The following CNTNAP2 variants were observed in gnomAD, a reference collection of about 807,000 sequenced individuals.
CNTNAP2 encodes the protein contactin-associated protein-like 2.
CNTNAP2 carries 98 observed loss-of-function variants against 155.2 expected under a neutral mutation model. The observed-to-expected ratio is 0.63, with a 90% CI of 0.54 to 0.75. The LOEUF (loss-of-function observed/expected upper bound fraction) is 0.75, where lower values mean the gene tolerates loss of function less well. CNTNAP2 is among the 30% of genes least tolerant of loss of function. The pLI is 0.00. For synonymous variants in CNTNAP2, 651 were observed against 631.2 expected (o/e 1.03, Z -0.47); for missense variants, 1,727 against 1,688.1 (o/e 1.02, Z -0.40).
chr7:148,179,586 G>A (rs1021768165), intron 18 of CNTNAP2, among the ~76,000 whole-genome samples: 1 of 147,862 alleles, frequency 6.8e-6, no homozygotes, highest in Admixed American at 6.8e-5. Flanking sequence ...GGGGTGCGGG[G>A]GAGAGAGAGG....
intron 1 of CNTNAP2, among the ~76,000 whole-genome samples, chr7:146,738,396 T>C (rs1801655763): frequency 6.6e-6 from 1 of 152,056 alleles, no homozygotes; most frequent in African/African-American, 2.4e-5. Context: ...GAGTACCTTA[T>C]GTATTTTGAA....
intron 1 of CNTNAP2, among the ~76,000 whole-genome samples, chr7:146,227,766 T>C (rs1404189272): frequency 6.6e-6 from 1 of 152,086 alleles, no homozygotes; most frequent in African/African-American, 2.4e-5. Context: ...GCATCCATGA[T>C]AATTTACATT....
intron 20 of CNTNAP2, among the ~76,000 whole-genome samples, chr7:148,239,385 T>C (rs1185284740): frequency 6.6e-6 from 1 of 152,234 alleles, no homozygotes; most frequent in African/African-American, 2.4e-5. Context: ...TCTATTGAAC[T>C]GATATAGAAG....
intron 3 of CNTNAP2, among the ~76,000 whole-genome samples, chr7:146,852,655 T>C (rs1384042722): frequency 6.6e-6 from 1 of 152,198 alleles, no homozygotes; most frequent in African/African-American, 2.4e-5. Context: ...CAATGATGGA[T>C]AATTTTTCTA....
chr7:146,487,450 C>T (rs1797073532), intron 1 of CNTNAP2, among the ~76,000 whole-genome samples: 1 of 152,266 alleles, frequency 6.6e-6, no homozygotes, highest in Middle Eastern at 3.4e-3. Flanking sequence ...GCAATGTCCT[C>T]CTAAGGAAGC....
At chr7:148,044,104 C>A (rs1432583272) in intron 15 of CNTNAP2, among the ~76,000 whole-genome samples, 1 of 151,368 alleles carries the variant, frequency 6.6e-6, no homozygotes, top group Non-Finnish European at 1.5e-5. Context: ...GGAGATAACA[C>A]GGTAAAAATG....
At chr7:147,494,062 G>A (rs916353351) in intron 11 of CNTNAP2, among the ~76,000 whole-genome samples, 1 of 151,702 alleles carries the variant, frequency 6.6e-6, no homozygotes, top group Non-Finnish European at 1.5e-5. Flanking sequence ...TGGGAGCTAA[G>A]GGAAATAATG....
intron 12 of CNTNAP2, among the ~76,000 whole-genome samples, chr7:147,591,379 T>G (rs1393952231): frequency 1.3e-5 from 2 of 152,176 alleles, no homozygotes; most frequent in African/African-American, 4.8e-5. Context: ...CCTCTTCTTG[T>G]GAAGACATCA....
chr7:147,359,897 T>C (rs755981201), intron 9 of CNTNAP2, among the ~76,000 whole-genome samples: 11 of 152,186 alleles, frequency 7.2e-5, no homozygotes, highest in Non-Finnish European at 1.5e-4. Context: ...TAATATGATA[T>C]GTTCTTTATT....
intron 9 of CNTNAP2, among the ~76,000 whole-genome samples, chr7:147,375,567 C>T (rs541077778): frequency 6.6e-6 from 1 of 151,984 alleles, no homozygotes; most frequent in African/African-American, 2.4e-5. Context: ...CAGCCAATCT[C>T]CAAGTTTTAT....
chr7:147,804,605 G>C (rs1026375418), intron 13 of CNTNAP2, among the ~76,000 whole-genome samples: 2 of 152,028 alleles, frequency 1.3e-5, no homozygotes, highest in African/African-American at 4.8e-5. Context: ...CCAGACTGGA[G>C]TACAGTGGTG....
At chr7:146,203,630 A>G (rs1798901297) in intron 1 of CNTNAP2, among the ~76,000 whole-genome samples, 1 of 152,044 alleles carries the variant, frequency 6.6e-6, no homozygotes, top group Non-Finnish European at 1.5e-5. Context: ...GCCATTGCTG[A>G]TCACCTTAAC....
chr7:147,826,293 T>G lies in CNTNAP2; in HGVS notation c.2099-77272T>G, dbSNP rs145161593. Reference sequence around the variant, plus strand: ...GAACACAAAAGGAAAACACAAAATCTAGTTCAATGAATACTTAAAATTTAT... The same window carrying G: ...GAACACAAAAGGAAAACACAAAATCGAGTTCAATGAATACTTAAAATTTAT... On this transcript the variant is annotated intron_variant, in intron 13 of 23. Coordinates refer to ENST00000361727, the MANE Select transcript of CNTNAP2 (RefSeq NM_014141.6). 5.8e-4 allele frequency among the ~76,000 whole-genome samples: 88 copies of G among 152,344 alleles called. 1 individual carries two copies. The highest frequency in any genetic ancestry group is 2.0e-3 in the African/African-American group (84 of 41,582).
In CNTNAP2 at chr7:147,670,834, C is replaced by T. The variant is rs1051721399; in HGVS notation, c.2098+31528C>T. On this transcript the variant is annotated intron_variant, in intron 13 of 23. Transcript: ENST00000361727. ...AGTGTGGATAAAAAAGGCTGTCACA[C>T]TTGCCCTGTGCCCCTGCTGGAGGGC... is the stretch of plus-strand genomic sequence containing the variant. Among the ~76,000 whole-genome samples, 3 of 152,228 alleles carry T rather than the reference C, an allele frequency of 2.0e-5. No homozygotes were observed. The East Asian group carries it at 5.8e-4, about 29-fold the overall frequency.
chr7:146,992,377 C>G (rs1210013909), intron 3 of CNTNAP2, among the ~76,000 whole-genome samples: 1 of 151,224 alleles, frequency 6.6e-6, no homozygotes, highest in Non-Finnish European at 1.5e-5. Context: ...CTTAGTTCAG[C>G]TGGAAACAGT....
chr7:147,093,334 G>A (rs1800456419), intron 4 of CNTNAP2, among the ~76,000 whole-genome samples: 1 of 151,256 alleles, frequency 6.6e-6, no homozygotes, highest in African/African-American at 2.4e-5. Context: ...TTTGCTGTTT[G>A]TTAATCATTT....
intron 5 of CNTNAP2, among the ~76,000 whole-genome samples, chr7:147,109,459 T>C (rs971603237): frequency 3.3e-5 from 5 of 152,156 alleles, no homozygotes; most frequent in African/African-American, 1.2e-4. Flanking sequence ...GAGCTGCTTA[T>C]GAAACATCTA....
intron 1 of CNTNAP2, among the ~76,000 whole-genome samples, chr7:146,613,704 G>A (rs945565267): frequency 6.6e-6 from 1 of 152,108 alleles, no homozygotes; most frequent in Non-Finnish European, 1.5e-5. Flanking sequence ...TTGCAACACA[G>A]CTTAGTTTGA....
chr7:147,957,249 C>T (rs1045988442), intron 14 of CNTNAP2, among the ~76,000 whole-genome samples: 1 of 151,996 alleles, frequency 6.6e-6, no homozygotes, highest in African/African-American at 2.4e-5. Context: ...CTGACAAATA[C>T]GATGGAGAGA....
Sources: gnomAD v4.1 joint callset for allele counts (sites outside exome capture counted in the v4.1 genomes callset) on GRCh38, gnomAD v4.1.1 for gene constraint, MANE v1.5 for transcripts, NCBI Gene and HGNC (gene_info 2026-07-23, HGNC 2026-07-21) for gene names.